The following ITPR1 variants were observed in gnomAD, a reference collection of about 807,000 sequenced individuals.
ITPR1 encodes inositol 1,4,5-trisphosphate-gated calcium channel ITPR1.
Under a neutral mutation model 318.4 loss-of-function variants are expected in ITPR1, and 96 were observed. The ratio of observed to expected loss-of-function variants is 0.30; its 90% CI spans 0.26 to 0.36. The LOEUF (loss-of-function observed/expected upper bound fraction) is 0.36, where lower values mean the gene tolerates loss of function less well. Among genes scored for constraint, ITPR1 ranks in the 10% least tolerant of loss-of-function variants. ITPR1 has a pLI of 1.00. For synonymous variants in ITPR1, 1,312 were observed against 1,289.9 expected (o/e 1.02, Z -0.37); for missense variants, 2,440 against 3,460.2 (o/e 0.71, Z 7.40).
chr3:4,688,927 C>G (rs193149368), intron 31 of ITPR1, among the ~76,000 whole-genome samples: 3 of 152,318 alleles, frequency 2.0e-5, no homozygotes, highest in African/African-American at 7.2e-5. Flanking sequence ...CTAAATGTCT[C>G]TCCTGCCACC....
At chr3:4,618,441 C>T (rs998225905) in intron 4 of ITPR1, among the ~76,000 whole-genome samples, 2 of 152,156 alleles carry the variant, frequency 1.3e-5, no homozygotes, top group African/African-American at 4.8e-5. Context: ...TCTGTTCCTC[C>T]TCCATCCTCC....
chr3:4,799,443 C>T (rs1314886762), intron 53 of ITPR1, among the ~76,000 whole-genome samples: 5 of 152,130 alleles, frequency 3.3e-5, no homozygotes, highest in Non-Finnish European at 5.9e-5. Context: ...TCTCCGCAGG[C>T]GTGGACTCAA....
At chr3:4,509,828 G>A (rs1404503438) in intron 2 of ITPR1, among the ~76,000 whole-genome samples, 2 of 152,100 alleles carry the variant, frequency 1.3e-5, no homozygotes, top group African/African-American at 4.8e-5. Context: ...ACTCTTCTAG[G>A]CAGCAGATAC....
At position 4,634,802 on chromosome 3, in the gene ITPR1, G is replaced by A. The variant is rs541790883; in HGVS notation, c.280-4582G>A. ...TGCCCAGGCTGGAGTACAGTGGTGC[G>A]ATCTTGGCTCACTGCAACCTCCACC... On this transcript the variant is annotated intron_variant, in intron 5 of 61. Transcript: ENST00000649015. 6.6e-5 allele frequency among the ~76,000 whole-genome samples: 10 copies of A among 152,268 alleles called. No individual in the cohort carries two copies. In the East Asian group the frequency reaches 7.7e-4, roughly 12 times the overall value.
chr3:4,542,233 C>G lies in ITPR1; in HGVS notation c.163+21139C>G, dbSNP rs115310601. Among the ~76,000 whole-genome samples, 290 of 152,268 alleles carry G rather than the reference C, an allele frequency of 1.9e-3. 2 individuals carry two copies. The highest frequency in any genetic ancestry group is 6.7e-3 in the African/African-American group (280 of 41,536). ...AGGTGCTATCTCTACAGATCTTATT[C>G]TATTTTCTACATTGGCTGTTTCTGA... On this transcript the variant is annotated intron_variant, in intron 4 of 61. Coordinates refer to ENST00000649015, the MANE Select transcript of ITPR1 (RefSeq NM_001378452.1).
At chr3:4,721,797 G>C (rs975242825) in intron 40 of ITPR1, among the ~76,000 whole-genome samples, 1 of 152,208 alleles carries the variant, frequency 6.6e-6, no homozygotes, top group African/African-American at 2.4e-5. Context: ...AGAAAACAAA[G>C]GGTATTTGCA....
intron 4 of ITPR1, among the ~76,000 whole-genome samples, chr3:4,552,808 T>TG (rs1406446564): frequency 4.6e-5 from 7 of 152,200 alleles, no homozygotes; most frequent in African/African-American, 1.7e-4. Context: ...ATCTAGAAGC[T>TG]GCCTGGGGGC....
At chr3:4,736,789 T>C (rs778323556) in intron 44 of ITPR1, among the ~76,000 whole-genome samples, 2 of 152,236 alleles carry the variant, frequency 1.3e-5, no homozygotes, top group Non-Finnish European at 2.9e-5. Context: ...AAATGCTCCT[T>C]GTCTTAGAAC....
chr3:4,774,874 G>A (rs553590494), intron 46 of ITPR1, among the ~76,000 whole-genome samples: 8 of 152,290 alleles, frequency 5.3e-5, no homozygotes, highest in East Asian at 1.9e-4. Context: ...CAAAACCACC[G>A]CCCTTGGAAA....
At chr3:4,769,193 C>T (rs1044595236) in intron 46 of ITPR1, among the ~76,000 whole-genome samples, 2 of 152,200 alleles carry the variant, frequency 1.3e-5, no homozygotes, top group East Asian at 1.9e-4. Flanking sequence ...AGCCACCGAG[C>T]CACCGAGCCT....
At chr3:4,522,123 A>G (rs1208999741) in intron 4 of ITPR1, among the ~76,000 whole-genome samples, 2 of 152,196 alleles carry the variant, frequency 1.3e-5, no homozygotes, top group East Asian at 1.9e-4. Flanking sequence ...TAAATTAAAT[A>G]GATGCTTGGG....
At chr3:4,742,921 A>T (rs943303845) in intron 44 of ITPR1, among the ~76,000 whole-genome samples, 3 of 152,126 alleles carry the variant, frequency 2.0e-5, no homozygotes, top group Non-Finnish European at 4.4e-5. Flanking sequence ...CACTCAATTG[A>T]CCCAAGTCCT....
chr3:4,788,000 A>G lies in ITPR1; in HGVS notation c.6669A>G (p.Ile2223Met). Residue 2223 changes from isoleucine (I) to methionine (M), a missense_variant, in exon 52 of 62, where the codon ATA becomes ATG. By Grantham distance (10) the Ile-to-Met change is conservative. Transcript: ENST00000649015. ...AGATAGTCTTTCCCGTGCCCAGCAT[A>G]TGTGAATTCCTAACCAAGGAGTCAA... ...MEQIVFPVPS[I>M]CEFLTKESKL... 1 of 1,613,098 alleles carries G rather than the reference A, an allele frequency of 6.2e-7. No individual in the cohort carries two copies. Among genetic ancestry groups the G allele is most frequent in the Non-Finnish European group, 8.5e-7 (1 of 1,179,364 alleles).
chr3:4,713,506 C>T (rs570663895), intron 39 of ITPR1, among the ~76,000 whole-genome samples: 12 of 152,282 alleles, frequency 7.9e-5, no homozygotes, highest in African/African-American at 1.2e-4. Flanking sequence ...TATTGCCTGG[C>T]GGACAAGTAT....
chr3:4,629,291 C>G (rs1185439178), intron 5 of ITPR1, among the ~76,000 whole-genome samples: 3 of 152,222 alleles, frequency 2.0e-5, no homozygotes, highest in East Asian at 3.9e-4. Flanking sequence ...CTGTTGAGAA[C>G]ATTGTTTTCC....
At chr3:4,603,264 A>T (rs1270790280) in intron 4 of ITPR1, among the ~76,000 whole-genome samples, 2 of 151,942 alleles carry the variant, frequency 1.3e-5, no homozygotes, top group Non-Finnish European at 2.9e-5. Flanking sequence ...TTTTAGATTC[A>T]TGAGGCACAT....
chr3:4,791,064 G>A (rs1033078880), intron 52 of ITPR1, among the ~76,000 whole-genome samples: 4 of 152,206 alleles, frequency 2.6e-5, no homozygotes, highest in African/African-American at 9.6e-5. Context: ...ACTCGTAAGT[G>A]TATATGGAGT....
rs1336058623 is a variant in ITPR1, at chr3:4,779,872, C to T, written c.6387+227C>T. 6.9e-6 allele frequency among the ~76,000 whole-genome samples: 1 copy of T among 145,042 alleles called. No individual in the cohort carries two copies. Among genetic ancestry groups the T allele is most frequent in the Non-Finnish European group, 1.5e-5 (1 of 66,258 alleles). ...ACTTTCAATGGCAAAACCACTATTA[C>T]TTTTGCCGTTGAAAGTAATGGCAAA... On this transcript the variant is annotated intron_variant, in intron 49 of 61. Transcript: ENST00000649015. The surrounding 1 kb of genome is among the most constrained non-coding windows in gnomAD (Gnocchi z 4.0).
At chr3:4,733,053 G>A (rs1165778527) in intron 42 of ITPR1, 35 bp from the exon 43 acceptor site, 5 of 1,599,068 alleles carry the variant, frequency 3.1e-6, no homozygotes, top group Non-Finnish European at 4.3e-6. Flanking sequence ...TGCATTAAAT[G>A]CAGAAGCTGA....
Sources: gnomAD v4.1 joint callset for allele counts (sites outside exome capture counted in the v4.1 genomes callset) on GRCh38, gnomAD v4.1.1 for gene constraint, Gnocchi (gnomAD v3.1) non-coding constraint, MANE v1.5 for transcripts, NCBI Gene and HGNC (gene_info 2026-07-23, HGNC 2026-07-21) for gene names.